Variants in NRP1 observed in about 807,000 individuals in gnomAD.
NRP1 encodes neuropilin-1.
NRP1 carries 35 observed loss-of-function variants against 106.7 expected under a neutral mutation model. The observed-to-expected ratio is 0.33, with a 90% CI of 0.25 to 0.43. The LOEUF (loss-of-function observed/expected upper bound fraction) is 0.43, where lower values mean the gene tolerates loss of function less well. Among genes scored for constraint, NRP1 ranks in the 20% least tolerant of loss-of-function variants. The pLI is 1.00. For missense variants in NRP1, 1,024 were observed against 1,170.4 expected, an observed-to-expected ratio of 0.87 and a Z score of 1.83; for synonymous variants, 437 against 417.9, an observed-to-expected ratio of 1.05 and a Z score of -0.56.
chr10:33,180,746 C>T (rs940567675), intron 16 of NRP1, among the ~76,000 whole-genome samples: 3 of 152,172 alleles, frequency 2.0e-5, no homozygotes, highest in African/African-American at 7.2e-5. Flanking sequence ...TTACCATTCC[C>T]AGTGCATGTA....
At chr10:33,278,510 G>T (rs897193967) in intron 2 of NRP1, among the ~76,000 whole-genome samples, 1 of 151,844 alleles carries the variant, frequency 6.6e-6, no homozygotes, top group African/African-American at 2.4e-5. Context: ...ACTGTAAATG[G>T]GACACCAAGT....
intron 2 of NRP1, among the ~76,000 whole-genome samples, chr10:33,279,638 C>T (rs1156466535): frequency 6.6e-6 from 1 of 152,082 alleles, no homozygotes; most frequent in Admixed American, 6.6e-5. Flanking sequence ...CTCCTAGATT[C>T]GTGTTTGATT....
chr10:33,212,327 A>G (rs1293817523), intron 9 of NRP1: 1 of 152,266 alleles, frequency 6.6e-6, no homozygotes, highest in Non-Finnish European at 1.5e-5. Context: ...TAAACACACA[A>G]TGAATATTAT....
chr10:33,286,227 G>A (rs928432133), intron 2 of NRP1, among the ~76,000 whole-genome samples: 3 of 152,174 alleles, frequency 2.0e-5, no homozygotes, highest in Admixed American at 6.5e-5. Context: ...TTCTCTAATT[G>A]CATAAAGGTT....
intron 6 of NRP1, among the ~76,000 whole-genome samples, chr10:33,250,986 C>T (rs562853598): frequency 2.0e-5 from 3 of 152,266 alleles, no homozygotes; most frequent in Admixed American, 6.5e-5. Context: ...ACCCAAGAAC[C>T]ATCATGATGA....
chr10:33,331,705 A>G (rs779587191), intron 1 of NRP1, among the ~76,000 whole-genome samples: 17 of 152,202 alleles, frequency 1.1e-4, no homozygotes, highest in Non-Finnish European at 2.1e-4. Context: ...CTTCATTTCA[A>G]AAATGCTCAA....
intron 10 of NRP1, among the ~76,000 whole-genome samples, chr10:33,203,462 G>T (rs570243437): frequency 2.0e-5 from 3 of 152,070 alleles, no homozygotes; most frequent in Admixed American, 2.0e-4. Flanking sequence ...CTTCCCCAAA[G>T]GGAGTCAACG....
chr10:33,222,003 A>C (rs149211451), intron 7 of NRP1, 140 bp from the exon 8 acceptor site: 1 of 850,238 alleles, frequency 1.2e-6, no homozygotes, highest in Non-Finnish European at 1.8e-6. Flanking sequence ...ATAACTCGCC[A>C]TGTTAATTTT....
chr10:33,263,991 G>A, intron 3 of NRP1, 118 bp from the exon 4 acceptor site: 1 of 676,928 alleles, frequency 1.5e-6, no homozygotes, highest in Admixed American at 2.4e-5. Flanking sequence ...TATAACCACT[G>A]TTCTAATCAT....
Position 33,179,893 on chromosome 10 carries a change from C to A in NRP1, c.*183G>T. On this transcript the variant is annotated 3_prime_UTR_variant, in exon 17 of 17. Coordinates refer to ENST00000374867, the MANE Select transcript of NRP1 (RefSeq NM_003873.7). ...GAAAAAAGCTGACTGCACATGAGTC[C>A]GATGGTGAACACAGCTCCTTGTCCA... 2 of 655,626 alleles carry A rather than the reference C, an allele frequency of 3.1e-6. No individual in the cohort carries two copies. Among genetic ancestry groups the A allele is most frequent in the Non-Finnish European group, 5.4e-6 (2 of 372,834 alleles). The allele number at this position is 655,626 out of a possible 1,614,324, so 40.6% of individuals were successfully genotyped here.
chr10:33,277,257 C>T (rs1301148052), intron 2 of NRP1, among the ~76,000 whole-genome samples: 2 of 152,162 alleles, frequency 1.3e-5, no homozygotes, highest in African/African-American at 2.4e-5. Flanking sequence ...CACAGACAGC[C>T]GTCTTGGTGT....
rs113584938 is a variant in NRP1, at chr10:33,324,801, C to A, written c.248+5907G>T. Reference sequence around the variant, plus strand: ...TACAGGCGTGCACCACCTTGCCTGGCTAATTTTTGTATTTTTAGTAGAGAC... The same window carrying A: ...TACAGGCGTGCACCACCTTGCCTGGATAATTTTTGTATTTTTAGTAGAGAC... On this transcript the variant is annotated intron_variant, in intron 2 of 16. Coordinates refer to ENST00000374867, the MANE Select transcript of NRP1 (RefSeq NM_003873.7). Among the ~76,000 whole-genome samples, 1,324 of 152,236 alleles carry A rather than the reference C, an allele frequency of 8.7e-3. 15 individuals carry two copies. The highest frequency in any genetic ancestry group is 0.03 in the African/African-American group (1,233 of 41,546).
intron 3 of NRP1, among the ~76,000 whole-genome samples, chr10:33,269,460 GCT>G (rs1843144175): frequency 6.6e-6 from 1 of 152,114 alleles, no homozygotes; most frequent in African/African-American, 2.4e-5. Context: ...ACCATGGCTG[GCT>G]AATGCATTTT....
intron 12 of NRP1, among the ~76,000 whole-genome samples, chr10:33,194,932 G>A (rs963481118): frequency 9.2e-5 from 14 of 152,168 alleles, no homozygotes; most frequent in South Asian, 4.1e-4. Flanking sequence ...TGACGTTTAC[G>A]TTTTCAAAAT....
rs1842214703 is a variant in NRP1 at position 33,256,599 on chromosome 10, C to G, written c.659-128G>C. The G allele has an allele frequency of 3.0e-6, 3 of 986,962 alleles. No individual in the cohort carries two copies. The South Asian group carries it at 4.8e-5, about 16-fold the overall frequency. The allele number at this position is 986,962 out of a possible 1,614,324, so 61.1% of individuals were successfully genotyped here. A position where few individuals can be genotyped will look rare whatever the true frequency, so the allele number is the denominator to read the frequency against. ...TTTTCTAACCCAAAGCAAGGCTTCC[C>G]TAAGTTAATTGGTTTGCTGTGAACA... On this transcript the variant is annotated intron_variant, in intron 4 of 16. Transcript: ENST00000374867.
chr10:33,223,674 G>T (rs541124180), intron 7 of NRP1, among the ~76,000 whole-genome samples: 21 of 152,152 alleles, frequency 1.4e-4, no homozygotes, highest in Non-Finnish European at 1.9e-4. Context: ...TCTCTCTTGA[G>T]ACGATCTGAT....
intron 2 of NRP1, among the ~76,000 whole-genome samples, chr10:33,298,359 T>G (rs1845561944): frequency 6.6e-6 from 1 of 152,166 alleles, no homozygotes; most frequent in Non-Finnish European, 1.5e-5. Context: ...ACCCTCCTGT[T>G]CTGGCGCTGG....
chr10:33,227,158 G>A (rs995965087), intron 6 of NRP1, among the ~76,000 whole-genome samples: 3 of 152,204 alleles, frequency 2.0e-5, no homozygotes, highest in Non-Finnish European at 2.9e-5. Context: ...TGGTGCAAAA[G>A]AGAAAACTGG....
intron 2 of NRP1, among the ~76,000 whole-genome samples, chr10:33,322,367 A>C (rs959963595): frequency 2.6e-5 from 4 of 152,052 alleles, no homozygotes; most frequent in Non-Finnish European, 4.4e-5. Context: ...GCAAGTTTTT[A>C]TTTATTTATT....
Sources: gnomAD v4.1 joint callset for allele counts (sites outside exome capture counted in the v4.1 genomes callset) on GRCh38, gnomAD v4.1.1 for gene constraint, MANE v1.5 for transcripts, NCBI Gene and HGNC (gene_info 2026-07-23, HGNC 2026-07-21) for gene names.